The following NKAIN3 variants were observed in gnomAD, a reference collection of about 807,000 sequenced individuals.
The protein encoded by NKAIN3 is sodium/potassium transporting ATPase interacting 3.
Under a neutral mutation model 30.2 loss-of-function variants are expected in NKAIN3, and 25 were observed. That is an observed-to-expected ratio of 0.83 (90% confidence interval 0.60 to 1.16). The LOEUF (loss-of-function observed/expected upper bound fraction) is 1.16. Among genes scored for constraint, NKAIN3 ranks in the 50% most tolerant of loss-of-function variants. NKAIN3 has a pLI of 0.00. For synonymous variants in NKAIN3, 91 were observed against 89.6 expected (o/e 1.02, Z -0.09); for missense variants, 225 against 254.1 (o/e 0.89, Z 0.78).
intron 4 of NKAIN3, among the ~76,000 whole-genome samples, chr8:62,867,691 T>G (rs1820471090): frequency 6.6e-6 from 1 of 152,224 alleles, no homozygotes; most frequent in South Asian, 2.1e-4. Flanking sequence ...TAAAACGCAC[T>G]GCCCAGTAGC....
At chr8:62,271,370 A>G (rs1812774098) in intron 1 of NKAIN3, among the ~76,000 whole-genome samples, 1 of 152,184 alleles carries the variant, frequency 6.6e-6, no homozygotes, top group Non-Finnish European at 1.5e-5. Context: ...AAAGTTTTAA[A>G]TGGAACTGAC....
intron 1 of NKAIN3, among the ~76,000 whole-genome samples, chr8:62,368,312 A>C (rs1816800756): frequency 6.6e-6 from 1 of 152,178 alleles, no homozygotes; most frequent in African/African-American, 2.4e-5. Flanking sequence ...ATCTATTATG[A>C]AGCTATAATA....
At chr8:62,952,218 TAATAC>T (rs1356572420) in intron 5 of NKAIN3, among the ~76,000 whole-genome samples, 2 of 151,996 alleles carry the variant, frequency 1.3e-5, no homozygotes, top group African/African-American at 4.8e-5. Flanking sequence ...TTTGTGGAAA[TAATAC>T]AATACAATTT....
chr8:62,998,654 A>G (rs138244839), intron 5 of NKAIN3, among the ~76,000 whole-genome samples: 1 of 152,328 alleles, frequency 6.6e-6, no homozygotes, highest in Admixed American at 6.5e-5. Flanking sequence ...TTTGGCTGAT[A>G]TGCATGAATT....
intron 3 of NKAIN3, among the ~76,000 whole-genome samples, chr8:62,734,792 A>G (rs1815595900): frequency 6.6e-6 from 1 of 152,248 alleles, no homozygotes; most frequent in African/African-American, 2.4e-5. Context: ...ATTTAGCCAG[A>G]ATAGCTAAGA....
intron 5 of NKAIN3, among the ~76,000 whole-genome samples, chr8:62,951,585 A>C (rs1040708900): frequency 1.3e-5 from 2 of 151,612 alleles, no homozygotes; most frequent in Non-Finnish European, 1.5e-5. Flanking sequence ...CAGCTTCCCA[A>C]GTAACTGGGA....
chr8:62,527,224 A>G (rs1187693518), intron 1 of NKAIN3, among the ~76,000 whole-genome samples: 1 of 152,194 alleles, frequency 6.6e-6, no homozygotes, highest in African/African-American at 2.4e-5. Context: ...TCAACATTTC[A>G]GTCAAATAAC....
intron 3 of NKAIN3, among the ~76,000 whole-genome samples, chr8:62,617,663 G>T (rs1443888015): frequency 6.6e-6 from 1 of 152,058 alleles, no homozygotes; most frequent in Admixed American, 6.6e-5. Flanking sequence ...ATTTAATCCT[G>T]GTCAGCCAAA....
chr8:62,506,228 T>TTGG (rs1807630934), intron 1 of NKAIN3, among the ~76,000 whole-genome samples: 1 of 129,136 alleles, frequency 7.7e-6, no homozygotes, highest in African/African-American at 2.8e-5. Flanking sequence ...ATGAGAATAT[T>TTGG]GGGGGGGGGG....
rs991319743 is a variant in NKAIN3, at chr8:62,969,138, C to G, written c.*3731C>G. ...TCATTTGTTTTGAAGATACTCGACA[C>G]TTTGCCCTAGCAAAATATTGACTTC... On this transcript the variant is annotated 3_prime_UTR_variant, in exon 7 of 7. Coordinates refer to ENST00000623646, the MANE Select transcript of NKAIN3 (RefSeq NM_001304533.3). Among the ~76,000 whole-genome samples, 1 of 152,330 alleles carries G rather than the reference C, an allele frequency of 6.6e-6. No individual in the cohort carries two copies. The highest frequency in any genetic ancestry group is 6.5e-5 in the Admixed American group (1 of 15,294).
chr8:62,715,142 A>G (rs1729395901), intron 3 of NKAIN3, among the ~76,000 whole-genome samples: 1 of 152,114 alleles, frequency 6.6e-6, no homozygotes, highest in African/African-American at 2.4e-5. Flanking sequence ...AAATCTCAGG[A>G]GAACTTACTA....
chr8:62,936,948 T>A (rs1000293910), intron 5 of NKAIN3, among the ~76,000 whole-genome samples: 15 of 152,102 alleles, frequency 9.9e-5, no homozygotes, highest in African/African-American at 3.6e-4. Context: ...TTTTTCATAC[T>A]TTTTAGGACT....
chr8:62,555,110 T>C (rs1004044802), intron 1 of NKAIN3, among the ~76,000 whole-genome samples: 6 of 151,864 alleles, frequency 4.0e-5, no homozygotes, highest in African/African-American at 1.2e-4. Context: ...GTAGTAATTA[T>C]TTCACTGTGA....
chr8:62,952,354 T>A (rs903407644), intron 5 of NKAIN3, among the ~76,000 whole-genome samples: 9 of 152,182 alleles, frequency 5.9e-5, no homozygotes, highest in Non-Finnish European at 1.3e-4. Flanking sequence ...TGCATCCTAA[T>A]AAAGCCACAC....
intron 1 of NKAIN3, among the ~76,000 whole-genome samples, chr8:62,527,995 TTC>T (rs1808363025): frequency 6.6e-6 from 1 of 151,178 alleles, no homozygotes; most frequent in African/African-American, 2.4e-5. Flanking sequence ...AATTATTTAG[TTC>T]TTTCTTGTCC....
chr8:62,607,846 G>T (rs1251961582), intron 3 of NKAIN3, among the ~76,000 whole-genome samples: 1 of 152,074 alleles, frequency 6.6e-6, no homozygotes, highest in Admixed American at 6.6e-5. Flanking sequence ...ACCTATGAGT[G>T]ATCATTTTCT....
intron 3 of NKAIN3, among the ~76,000 whole-genome samples, chr8:62,653,774 C>CCACTGT (rs1483504525): frequency 6.6e-6 from 1 of 152,084 alleles, no homozygotes; most frequent in Admixed American, 6.6e-5. Context: ...CCCTACTGTT[C>CCACTGT]CACTGTGAGA....
intron 3 of NKAIN3, among the ~76,000 whole-genome samples, chr8:62,673,734 G>A (rs1478827367): frequency 2.0e-5 from 3 of 152,180 alleles, no homozygotes; most frequent in Non-Finnish European, 4.4e-5. Flanking sequence ...GTATGTTACT[G>A]TACTGAATAC....
intron 4 of NKAIN3, among the ~76,000 whole-genome samples, chr8:62,796,872 T>C (rs1050176443): frequency 6.6e-6 from 1 of 151,656 alleles, no homozygotes; most frequent in African/African-American, 2.4e-5. Context: ...CATTCTGAAA[T>C]CTGTCCATTA....
Sources: gnomAD v4.1 joint callset for allele counts (sites outside exome capture counted in the v4.1 genomes callset) on GRCh38, gnomAD v4.1.1 for gene constraint, MANE v1.5 for transcripts, NCBI Gene and HGNC (gene_info 2026-07-23, HGNC 2026-07-21) for gene names.